The following RALGAPA2 variants were observed in gnomAD, a reference collection of about 807,000 sequenced individuals.
The protein encoded by RALGAPA2 is ral GTPase-activating protein subunit alpha-2.
RALGAPA2 carries 139 observed loss-of-function variants against 230.4 expected under a neutral mutation model. The ratio of observed to expected loss-of-function variants is 0.60; its 90% confidence interval spans 0.53 to 0.69. RALGAPA2 has a LOEUF of 0.69. Ranked by LOEUF, RALGAPA2 falls within the 30% of genes least tolerant of loss-of-function variation. RALGAPA2 has a pLI of 0.00. For synonymous variants in RALGAPA2, 847 were observed against 837.8 expected (o/e 1.01, Z -0.19); for missense variants, 2,163 against 2,276.0 (o/e 0.95, Z 1.01).
intron 15 of RALGAPA2, 99 bp downstream of exon 15, chr20:20,605,076 G>T: frequency 1.0e-6 from 1 of 981,046 alleles, no homozygotes; most frequent in Non-Finnish European, 1.6e-6. Context: ...AGTTGGTTCA[G>T]TTCATTATAA....
chr20:20,437,585 C>A lies in RALGAPA2; in HGVS notation c.5496-25437G>T, dbSNP rs778578752. 6.6e-6 allele frequency among the ~76,000 whole-genome samples: 1 copy of A among 152,214 alleles called. No individual in the cohort carries two copies. The highest frequency in any genetic ancestry group is 1.5e-5 in the Non-Finnish European group (1 of 68,036). ...TCTGTGGTGTGGAGCCCTTCCCACA[C>A]TTCACACACACGATGTGTGTGTGCT... On this transcript the variant is annotated intron_variant, in intron 37 of 39. Coordinates refer to ENST00000202677, the MANE Select transcript of RALGAPA2 (RefSeq NM_020343.4). The surrounding 1 kb of genome is among the most constrained non-coding windows in gnomAD (Gnocchi z 4.1).
chr20:20,551,501 C>T (rs2063923796), intron 23 of RALGAPA2, among the ~76,000 whole-genome samples: 1 of 152,182 alleles, frequency 6.6e-6, no homozygotes. Context: ...AATTGTGAAT[C>T]TGTAGCTTAT....
intron 1 of RALGAPA2, among the ~76,000 whole-genome samples, chr20:20,705,396 A>AG (rs1353168425): frequency 2.0e-4 from 30 of 151,802 alleles, no homozygotes; most frequent in African/African-American, 6.5e-4. Flanking sequence ...TTTGTAGAGA[A>AG]GGGGTCTCAC....
At chr20:20,670,812 G>T (rs76498885) in intron 3 of RALGAPA2, among the ~76,000 whole-genome samples, 7 of 151,866 alleles carry the variant, frequency 4.6e-5, no homozygotes, top group Non-Finnish European at 1.0e-4. Context: ...AGCCGGGCAC[G>T]GTGGCAGGCA....
At chr20:20,545,391 T>C (rs6082036) in intron 24 of RALGAPA2, among the ~76,000 whole-genome samples, 11,189 of 152,188 alleles carry the variant, frequency 0.074, 568 homozygotes, top group East Asian at 0.16. Context: ...ACCTTTCTTC[T>C]CTTTTGCTCC....
chr20:20,456,343 G>A (rs2061119166), intron 37 of RALGAPA2, among the ~76,000 whole-genome samples: 1 of 152,226 alleles, frequency 6.6e-6, no homozygotes, highest in African/African-American at 2.4e-5. Context: ...CTGACCAGTG[G>A]AGGGGCAGAT....
At chr20:20,707,561 A>G (rs936072920) in intron 1 of RALGAPA2, among the ~76,000 whole-genome samples, 1 of 152,232 alleles carries the variant, frequency 6.6e-6, no homozygotes, top group Non-Finnish European at 1.5e-5. Context: ...CAACAGTTAC[A>G]ACTGTAAGTC....
At chr20:20,550,265 C>T (rs769862722) in intron 23 of RALGAPA2, among the ~76,000 whole-genome samples, 16 of 152,166 alleles carry the variant, frequency 1.1e-4, no homozygotes, top group Non-Finnish European at 2.1e-4. Flanking sequence ...CGAGTTACTT[C>T]GCTTAGAATA....
intron 35 of RALGAPA2, among the ~76,000 whole-genome samples, chr20:20,496,327 G>A (rs1340652669): frequency 5.3e-5 from 8 of 152,084 alleles, no homozygotes; most frequent in East Asian, 3.9e-4. Context: ...CACGATGACC[G>A]TACCATCTCA....
At chr20:20,403,902 T>C (rs779557563) in intron 38 of RALGAPA2, among the ~76,000 whole-genome samples, 4 of 152,042 alleles carry the variant, frequency 2.6e-5, no homozygotes, top group Non-Finnish European at 4.4e-5. Context: ...CTTTTCCATA[T>C]CCTCAGGCAA....
chr20:20,536,405 T>C lies in RALGAPA2; in HGVS notation c.3414+251A>G, dbSNP rs554789246. 2.6e-5 allele frequency among the ~76,000 whole-genome samples: 4 copies of C among 152,314 alleles called. 1 individual carries two copies. The Middle Eastern group carries it at 0.014, about 518-fold the overall frequency. ...CAATTCACTACATGATTATGATCCT[T>C]AGGTCCAATAAACAGGTATAATAAA... On this transcript the variant is annotated intron_variant, in intron 25 of 39. Transcript: ENST00000202677.
chr20:20,615,474 A>G (rs2066111214), intron 13 of RALGAPA2, among the ~76,000 whole-genome samples: 1 of 152,114 alleles, frequency 6.6e-6, no homozygotes, highest in Non-Finnish European at 1.5e-5. Context: ...TAACTTTCAA[A>G]TAAGAGCAGG....
chr20:20,406,433 T>C lies in RALGAPA2; in HGVS notation c.5617+5594A>G, dbSNP rs368865123. Among the ~76,000 whole-genome samples, 95 of 152,290 alleles carry C rather than the reference T, an allele frequency of 6.2e-4. No homozygotes were observed. In the South Asian group the frequency reaches 9.1e-3, roughly 15 times the overall value. On this transcript the variant is annotated intron_variant, in intron 38 of 39. Coordinates refer to ENST00000202677, the MANE Select transcript of RALGAPA2 (RefSeq NM_020343.4). ...AAAGTGGTCAGAATCAAGCCGGTTA[T>C]GAGGGAAGGAAGACTTGGGCTGTGT...
At chr20:20,532,405 G>C (rs944192717) in intron 26 of RALGAPA2, among the ~76,000 whole-genome samples, 1 of 152,310 alleles carries the variant, frequency 6.6e-6, no homozygotes, top group African/African-American at 2.4e-5. Flanking sequence ...TAAAGAAAGA[G>C]AGAGGAAGAA....
chr20:20,576,525 TATG>T (rs2064823890), intron 20 of RALGAPA2, among the ~76,000 whole-genome samples: 1 of 152,182 alleles, frequency 6.6e-6, no homozygotes, highest in Non-Finnish European at 1.5e-5. Flanking sequence ...AGCCCTGATG[TATG>T]ATATTTTTCC....
At chr20:20,648,230 G>A (rs1040620565) in intron 4 of RALGAPA2, among the ~76,000 whole-genome samples, 1 of 152,028 alleles carries the variant, frequency 6.6e-6, no homozygotes, top group Non-Finnish European at 1.5e-5. Flanking sequence ...AGTGAAAAAA[G>A]CCAAACAAAG....
chr20:20,700,302 AG>A (rs1388210760), intron 1 of RALGAPA2, among the ~76,000 whole-genome samples: 1 of 152,044 alleles, frequency 6.6e-6, no homozygotes, highest in Non-Finnish European at 1.5e-5. Context: ...CACTACCTAG[AG>A]GGGGGATGGA....
intron 1 of RALGAPA2, among the ~76,000 whole-genome samples, chr20:20,691,306 C>CTCTT (rs2068896027): frequency 6.6e-6 from 1 of 152,120 alleles, no homozygotes; most frequent in Non-Finnish European, 1.5e-5. Context: ...TCCACAGTTC[C>CTCTT]TCTTTTTAGT....
intron 10 of RALGAPA2, among the ~76,000 whole-genome samples, chr20:20,627,264 TG>T (rs1358909619): frequency 1.3e-5 from 2 of 152,182 alleles, no homozygotes; most frequent in East Asian, 3.9e-4. Context: ...GAGAGGGAGA[TG>T]GGGAACCTAG....
Sources: allele counts gnomAD v4.1 joint callset (sites outside exome capture counted in the v4.1 genomes callset), GRCh38; gene constraint gnomAD v4.1.1; non-coding constraint Gnocchi (gnomAD v3.1); transcripts MANE v1.5; gene names NCBI Gene and HGNC (gene_info 2026-07-23, HGNC 2026-07-21).